HIVEP1: variants seen among roughly 807,000 people sequenced by gnomAD.
The protein encoded by HIVEP1 is zinc finger protein 40.
Under a neutral mutation model 180.0 loss-of-function variants are expected in HIVEP1, and 36 were observed. That is an observed-to-expected ratio of 0.20 (90% CI 0.15 to 0.26). The LOEUF (loss-of-function observed/expected upper bound fraction) is 0.26, where lower values mean the gene tolerates loss of function less well. HIVEP1 is among the 10% of genes least tolerant of loss of function. The pLI is 1.00. For missense variants in HIVEP1, 3,143 were observed against 3,268.7 expected (o/e 0.96, Z 0.94); for synonymous variants, 1,239 against 1,239.0 (o/e 1.00, Z 0.00).
At chr6:12,085,940 T>G (rs1773088448) in intron 2 of HIVEP1, among the ~76,000 whole-genome samples, 1 of 152,192 alleles carries the variant, frequency 6.6e-6, no homozygotes, top group Admixed American at 6.5e-5. Flanking sequence ...TATGTTTCAC[T>G]AATAAAGAGA....
intron 2 of HIVEP1, among the ~76,000 whole-genome samples, chr6:12,018,170 G>C (rs1185267226): frequency 1.3e-5 from 2 of 152,236 alleles, no homozygotes; most frequent in Non-Finnish European, 2.9e-5. Context: ...TGGGTGCTAA[G>C]CCCCTCACTG....
chr6:12,012,251 T>TCC (rs567273621), upstream of HIVEP1: 41 of 116,454 alleles, frequency 3.5e-4, no homozygotes, highest in African/African-American at 9.2e-4. Context: ...CGCCCCGCGC[T>TCC]CCCCCCCCCG....
At chr6:12,192,038 T>G in the HIVEP1 span, among the ~76,000 whole-genome samples, 2 of 152,258 alleles carry the variant, frequency 1.3e-5, no homozygotes, top group Non-Finnish European at 2.9e-5. Flanking sequence ...AATTGCTAAC[T>G]ATGCTTCTGC....
the HIVEP1 span, among the ~76,000 whole-genome samples, chr6:12,194,205 T>C: frequency 6.6e-6 from 1 of 152,234 alleles, no homozygotes; most frequent in South Asian, 2.1e-4. Flanking sequence ...TAATGTTACC[T>C]ATTTCATTTA....
chr6:12,159,229 C>T lies in HIVEP1; in HGVS notation c.6488-2210C>T, dbSNP rs188203155. ...GTGTGCGCGCGCGCGTGCACGTGCA[C>T]GCTTGTGTGTGTGTTTAACGTAAAC... On this transcript the variant is annotated intron_variant, in intron 7 of 8. Transcript: ENST00000379388. Among the ~76,000 whole-genome samples, 15 of 152,020 alleles carry T rather than the reference C, an allele frequency of 9.9e-5. No homozygotes were observed. In the South Asian group the frequency reaches 2.1e-3, roughly 21 times the overall value.
At chr6:12,028,626 T>G (rs1376887055) in intron 2 of HIVEP1, among the ~76,000 whole-genome samples, 1 of 152,234 alleles carries the variant, frequency 6.6e-6, no homozygotes, top group Non-Finnish European at 1.5e-5. Context: ...GATATGCTCC[T>G]TCATGGAAAG....
chr6:12,011,350 C>A (rs1484679376), upstream of HIVEP1, among the ~76,000 whole-genome samples: 1 of 145,040 alleles, frequency 6.9e-6, no homozygotes, highest in Non-Finnish European at 1.5e-5. Context: ...CGTCAGCGGC[C>A]GGCCCACATC....
intron 3 of HIVEP1, among the ~76,000 whole-genome samples, chr6:12,093,546 A>G (rs1339677042): frequency 1.3e-5 from 2 of 151,714 alleles, no homozygotes; most frequent in East Asian, 3.9e-4. Context: ...TTTTTTTAAA[A>G]AAATATACCT....
intron 3 of HIVEP1, among the ~76,000 whole-genome samples, chr6:12,108,647 T>A (rs985952772): frequency 6.6e-6 from 1 of 152,204 alleles, no homozygotes; most frequent in African/African-American, 2.4e-5. Flanking sequence ...AAGCCCCTCA[T>A]TGCCCGGGGC....
At chr6:12,055,219 A>C (rs1218313453) in intron 2 of HIVEP1, among the ~76,000 whole-genome samples, 3 of 152,258 alleles carry the variant, frequency 2.0e-5, no homozygotes, top group Non-Finnish European at 2.9e-5. Flanking sequence ...TCACGCCTGT[A>C]ATCCCATCAC....
chr6:12,156,880 T>G (rs1760087716), intron 7 of HIVEP1, among the ~76,000 whole-genome samples: 1 of 152,230 alleles, frequency 6.6e-6, no homozygotes, highest in Non-Finnish European at 1.5e-5. Flanking sequence ...GCGGGTCTTT[T>G]ATGTTCTTCC....
chr6:12,064,703 G>C (rs1029301861), intron 2 of HIVEP1, among the ~76,000 whole-genome samples: 20 of 152,158 alleles, frequency 1.3e-4, no homozygotes, highest in Admixed American at 1.2e-3. Context: ...TTTCCTGACA[G>C]CTTCATGGAG....
intron 2 of HIVEP1, among the ~76,000 whole-genome samples, chr6:12,068,119 T>A (rs1771718501): frequency 1.3e-5 from 2 of 152,162 alleles, no homozygotes; most frequent in African/African-American, 4.8e-5. Flanking sequence ...AGATGGAGTT[T>A]CGCCCTCGTT....
chr6:12,176,237 T>TG, the HIVEP1 span, among the ~76,000 whole-genome samples: 1 of 150,474 alleles, frequency 6.6e-6, no homozygotes, highest in Admixed American at 6.6e-5. Context: ...TCTTGGGTTT[T>TG]TTTTTTTTTT....
downstream of HIVEP1, among the ~76,000 whole-genome samples, chr6:12,168,083 A>ATAT (rs1562024420): frequency 1.3e-4 from 8 of 62,300 alleles, 1 homozygote; most frequent in Admixed American, 4.3e-4. Flanking sequence ...GTGTATATAT[A>ATAT]CATATATACA....
intron 2 of HIVEP1, among the ~76,000 whole-genome samples, chr6:12,080,424 AG>A (rs1772705549): frequency 6.6e-6 from 1 of 152,154 alleles, no homozygotes; most frequent in African/African-American, 2.4e-5. Flanking sequence ...TGGTCTCACA[AG>A]GCTGCCAAAT....
chr6:12,194,361 CAGAGAG>C, the HIVEP1 span, among the ~76,000 whole-genome samples: 16 of 147,866 alleles, frequency 1.1e-4, no homozygotes, highest in African/African-American at 3.0e-4. Flanking sequence ...AAGGAGAGTA[CAGAGAG>C]AGAGAGAGAG....
chr6:12,112,129 A>AG (rs1774935896), intron 3 of HIVEP1, among the ~76,000 whole-genome samples: 1 of 152,052 alleles, frequency 6.6e-6, no homozygotes, highest in Non-Finnish European at 1.5e-5. Flanking sequence ...TCTGAAAAAA[A>AG]TCTTGCTATG....
chr6:12,139,884 C>T (rs1405282926), intron 7 of HIVEP1, among the ~76,000 whole-genome samples: 1 of 152,242 alleles, frequency 6.6e-6, no homozygotes. Flanking sequence ...CAGACTGCCT[C>T]TGTAGTCTCC....
Sources: gnomAD v4.1 joint callset for allele counts (sites outside exome capture counted in the v4.1 genomes callset) on GRCh38, gnomAD v4.1.1 for gene constraint, MANE v1.5 for transcripts, NCBI Gene and HGNC (gene_info 2026-07-23, HGNC 2026-07-21) for gene names.